The following NRXN1 variants were observed in gnomAD, a reference collection of about 807,000 sequenced individuals.
NRXN1 encodes the protein neurexin-1.
In NRXN1, 39 loss-of-function variants were observed where a neutral mutation model predicts 150.9. The ratio of observed to expected loss-of-function variants is 0.26; its 90% CI spans 0.20 to 0.34. The LOEUF (loss-of-function observed/expected upper bound fraction) is 0.34, where lower values mean the gene tolerates loss of function less well. Ranked by LOEUF, NRXN1 falls within the 10% of genes least tolerant of loss-of-function variation. The probability of loss-of-function intolerance (pLI) is 1.00; values close to 1 mark genes in which losing one functional copy is unlikely to be tolerated. For missense variants in NRXN1, 1,815 were observed against 1,949.9 expected (o/e 0.93, Z 1.30); for synonymous variants, 924 against 757.0 (o/e 1.22, Z -3.62).
At chr2:49,972,188 T>C (rs1208417921) in intron 21 of NRXN1, among the ~76,000 whole-genome samples, 6 of 152,124 alleles carry the variant, frequency 3.9e-5, no homozygotes, top group East Asian at 1.9e-4. Flanking sequence ...AATAAGTTGA[T>C]TTTCATCCTC....
At chr2:49,949,099 A>G (rs770396092) in intron 21 of NRXN1, among the ~76,000 whole-genome samples, 6 of 152,004 alleles carry the variant, frequency 3.9e-5, no homozygotes, top group Admixed American at 6.6e-5. Context: ...ATCCTTTTCT[A>G]TATTTGAACA....
chr2:50,861,795 A>G (rs1676178446), intron 5 of NRXN1, among the ~76,000 whole-genome samples: 2 of 152,094 alleles, frequency 1.3e-5, no homozygotes, highest in Non-Finnish European at 2.9e-5. Context: ...TGATGAAGAT[A>G]TAAATAGATT....
chr2:50,213,814 C>T (rs1436662730), intron 18 of NRXN1, among the ~76,000 whole-genome samples: 9 of 151,788 alleles, frequency 5.9e-5, no homozygotes, highest in African/African-American at 2.2e-4. Context: ...TCTTGTTCAA[C>T]TCTGAAGGTA....
intron 18 of NRXN1, among the ~76,000 whole-genome samples, chr2:50,113,683 C>T (rs977441689): frequency 6.6e-6 from 1 of 152,140 alleles, no homozygotes; most frequent in Non-Finnish European, 1.5e-5. Context: ...AATATTTTGG[C>T]TATCCTTTTG....
chr2:50,930,412 GA>G (rs34845872), intron 2 of NRXN1, among the ~76,000 whole-genome samples: 39,787 of 151,940 alleles, frequency 0.26, 5,831 homozygotes, highest in Non-Finnish European at 0.34. Flanking sequence ...CAGGAGGAAG[GA>G]AAAGCAAGAA....
Position 50,897,968 on chromosome 2 carries a change from T to C in NRXN1, c.832+23901A>G, listed in dbSNP as rs1183715733. Among the ~76,000 whole-genome samples, 3 of 152,320 alleles carry C rather than the reference T, an allele frequency of 2.0e-5. No homozygotes were observed. The East Asian group carries it at 5.8e-4, about 29-fold the overall frequency. ...TCATAATTGATCAGAATGGATTGAA[T>C]AATCACTACAGTATATCTTCCACTA... On this transcript the variant is annotated intron_variant, in intron 5 of 22. Transcript: ENST00000401669.
intron 8 of NRXN1, among the ~76,000 whole-genome samples, chr2:50,563,825 G>A (rs10196148): frequency 0.31 from 46,546 of 152,016 alleles, 7,530 homozygotes; most frequent in East Asian, 0.52. Context: ...TTATCCAGTT[G>A]GTGGATTATC....
At chr2:50,579,842 A>T (rs141652887) in intron 8 of NRXN1, among the ~76,000 whole-genome samples, 629 of 135,968 alleles carry the variant, frequency 4.6e-3, no homozygotes, top group African/African-American at 0.017. Context: ...AAAGCAATTG[A>T]ACATCAGGTG....
chr2:50,913,818 A>G (rs1255165961), intron 5 of NRXN1, among the ~76,000 whole-genome samples: 1 of 151,742 alleles, frequency 6.6e-6, no homozygotes, highest in East Asian at 1.9e-4. Context: ...TAGGTATAAT[A>G]TGAATGCAAA....
At chr2:50,878,295 G>A (rs984034127) in intron 5 of NRXN1, among the ~76,000 whole-genome samples, 4 of 151,932 alleles carry the variant, frequency 2.6e-5, no homozygotes, top group East Asian at 1.9e-4. Context: ...CTGAGGCTGA[G>A]TGCCATTTTA....
intron 17 of NRXN1, among the ~76,000 whole-genome samples, chr2:50,422,964 C>T (rs1520439): frequency 0.28 from 42,513 of 152,026 alleles, 6,112 homozygotes; most frequent in East Asian, 0.39. Flanking sequence ...TTTTAACCCA[C>T]CACATTCCAT....
chr2:50,233,250 C>A (rs933659009), intron 18 of NRXN1, among the ~76,000 whole-genome samples: 1 of 151,946 alleles, frequency 6.6e-6, no homozygotes, highest in Non-Finnish European at 1.5e-5. Context: ...TTAACAATTT[C>A]AATAGTAATA....
At chr2:50,585,576 A>C (rs1005636259) in intron 8 of NRXN1, among the ~76,000 whole-genome samples, 1 of 152,208 alleles carries the variant, frequency 6.6e-6, no homozygotes, top group Admixed American at 6.5e-5. Context: ...AAGAAAACTA[A>C]ATTTTAAAAT....
At chr2:51,022,647 T>G (rs1160664307) in intron 2 of NRXN1, among the ~76,000 whole-genome samples, 3 of 152,156 alleles carry the variant, frequency 2.0e-5, no homozygotes, top group Non-Finnish European at 4.4e-5. Context: ...TGATCCACCT[T>G]TTCCTACAAT....
intron 8 of NRXN1, among the ~76,000 whole-genome samples, chr2:50,566,215 C>T (rs1198507502): frequency 6.6e-6 from 1 of 151,950 alleles, no homozygotes. Context: ...CCCCTAATTG[C>T]CTTTGATTAG....
chr2:50,265,017 T>C (rs758221497), intron 17 of NRXN1, among the ~76,000 whole-genome samples: 5 of 152,126 alleles, frequency 3.3e-5, no homozygotes, highest in African/African-American at 4.8e-5. Flanking sequence ...ATTAATTACA[T>C]GTAGAAAGGT....
chr2:49,935,149 TTG>T (rs1670812261), intron 22 of NRXN1, among the ~76,000 whole-genome samples: 1 of 152,230 alleles, frequency 6.6e-6, no homozygotes, highest in South Asian at 2.1e-4. Flanking sequence ...TTTAGATGCA[TTG>T]TCTCATTTTT....
At chr2:50,510,163 A>G (rs2092395528) in intron 12 of NRXN1, among the ~76,000 whole-genome samples, 2 of 152,192 alleles carry the variant, frequency 1.3e-5, no homozygotes, top group African/African-American at 4.8e-5. Context: ...GAAGACTAAC[A>G]CAGTGGGCAA....
intron 17 of NRXN1, among the ~76,000 whole-genome samples, chr2:50,407,691 C>T (rs1452831245): frequency 1.3e-5 from 2 of 151,964 alleles, no homozygotes; most frequent in African/African-American, 2.4e-5. Context: ...ACACCCAGCC[C>T]TCTCATCATG....
Sources: gnomAD v4.1 joint callset for allele counts (sites outside exome capture counted in the v4.1 genomes callset) on GRCh38, gnomAD v4.1.1 for gene constraint, MANE v1.5 for transcripts, NCBI Gene and HGNC (gene_info 2026-07-23, HGNC 2026-07-21) for gene names.